TNFRSF19: variants seen among roughly 807,000 people sequenced by gnomAD.
The protein encoded by TNFRSF19 is tumor necrosis factor receptor superfamily member 19.
A neutral mutation model predicts 46.4 loss-of-function variants in TNFRSF19; 27 were observed. The ratio of observed to expected loss-of-function variants is 0.58; its 90% CI spans 0.43 to 0.80. The LOEUF (loss-of-function observed/expected upper bound fraction) is 0.80. TNFRSF19 is among the 30% of genes least tolerant of loss of function. The pLI, the probability that TNFRSF19 is intolerant of heterozygous loss-of-function variation, is 0.00. For synonymous variants in TNFRSF19, 204 were observed against 205.0 expected, an observed-to-expected ratio of 1.00 and a Z score of 0.04; for missense variants, 511 against 530.8, an observed-to-expected ratio of 0.96 and a Z score of 0.37.
At chr13:23,671,739 TTGA>T (rs1489825420) in intron 9 of TNFRSF19, among the ~76,000 whole-genome samples, 1 of 152,206 alleles carries the variant, frequency 6.6e-6, no homozygotes, top group Admixed American at 6.5e-5. Flanking sequence ...CATAAAGAAT[TTGA>T]TTTTAGGCTG....
intron 1 of TNFRSF19, among the ~76,000 whole-genome samples, chr13:23,582,065 C>A (rs933225310): frequency 1.3e-5 from 2 of 151,988 alleles, no homozygotes; most frequent in Non-Finnish European, 1.5e-5. Flanking sequence ...TATATTTGTC[C>A]TGTGGCAGCT....
intron 5 of TNFRSF19, among the ~76,000 whole-genome samples, chr13:23,631,213 A>G (rs1882343435): frequency 6.6e-6 from 1 of 152,216 alleles, no homozygotes; most frequent in African/African-American, 2.4e-5. Context: ...AACATTTAGT[A>G]GAAAAAAGTG....
At chr13:23,620,702 C>T (rs1304849218) in intron 4 of TNFRSF19, among the ~76,000 whole-genome samples, 1 of 152,180 alleles carries the variant, frequency 6.6e-6, no homozygotes, top group Non-Finnish European at 1.5e-5. Context: ...TTTTGGGGGC[C>T]AGTGAAAACT....
At chr13:23,665,178 A>G (rs1286723958) in intron 7 of TNFRSF19, among the ~76,000 whole-genome samples, 1 of 152,194 alleles carries the variant, frequency 6.6e-6, no homozygotes, top group Admixed American at 6.5e-5. Context: ...ACCCCCAAGC[A>G]TTACATTTTC....
intron 1 of TNFRSF19, among the ~76,000 whole-genome samples, chr13:23,573,869 T>C (rs531884205): frequency 1.8e-4 from 28 of 152,204 alleles, no homozygotes; most frequent in Admixed American, 1.7e-3. Flanking sequence ...GAGACCATCC[T>C]GGCTAACATG....
chr13:23,615,264 A>G (rs991265944), intron 3 of TNFRSF19, among the ~76,000 whole-genome samples: 1 of 152,196 alleles, frequency 6.6e-6, no homozygotes, highest in African/African-American at 2.4e-5. Context: ...TCAAATCTAG[A>G]GAAGCTTGAG....
intron 3 of TNFRSF19, among the ~76,000 whole-genome samples, chr13:23,610,806 A>G (rs766438616): frequency 6.6e-6 from 1 of 152,128 alleles, no homozygotes; most frequent in South Asian, 2.1e-4. Flanking sequence ...GGGCCCTATA[A>G]TAATGCCTTT....
At chr13:23,601,466 G>A (rs1255236549) in intron 3 of TNFRSF19, among the ~76,000 whole-genome samples, 1 of 152,180 alleles carries the variant, frequency 6.6e-6, no homozygotes, top group African/African-American at 2.4e-5. Context: ...GACCTGCCAT[G>A]TAAGAAATGT....
At chr13:23,657,943 A>C (rs1295353341) in intron 5 of TNFRSF19, among the ~76,000 whole-genome samples, 2 of 152,144 alleles carry the variant, frequency 1.3e-5, no homozygotes, top group Non-Finnish European at 2.9e-5. Context: ...TCTTCAGTCG[A>C]GGGGAGGCTC....
intron 5 of TNFRSF19, among the ~76,000 whole-genome samples, chr13:23,649,992 T>G (rs1300094762): frequency 6.6e-6 from 1 of 152,144 alleles, no homozygotes; most frequent in Non-Finnish European, 1.5e-5. Flanking sequence ...CTGGAGAAGG[T>G]TCCATGTACA....
chr13:23,604,796 C>T (rs1880403322), intron 3 of TNFRSF19, among the ~76,000 whole-genome samples: 1 of 152,092 alleles, frequency 6.6e-6, no homozygotes, highest in Non-Finnish European at 1.5e-5. Context: ...TTGACATCCA[C>T]ATGCAAAAAA....
chr13:23,617,938 G>A (rs1045016478), intron 4 of TNFRSF19, among the ~76,000 whole-genome samples: 1 of 152,158 alleles, frequency 6.6e-6, no homozygotes, highest in Non-Finnish European at 1.5e-5. Context: ...GATCAGAGTG[G>A]TTTTGACCAG....
At chr13:23,636,068 A>G (rs1343786439) in intron 5 of TNFRSF19, among the ~76,000 whole-genome samples, 2 of 152,128 alleles carry the variant, frequency 1.3e-5, no homozygotes, top group African/African-American at 2.4e-5. Context: ...TGAGACGTCT[A>G]GGGGATATGG....
At chr13:23,669,732 C>T in intron 9 of TNFRSF19, 6 of 984,350 alleles carry the variant, frequency 6.1e-6, no homozygotes, top group Non-Finnish European at 7.2e-6. Context: ...TTTCTGCGTG[C>T]TGCAAAGCTG....
At chr13:23,581,964 G>A (rs1340815221) in intron 1 of TNFRSF19, among the ~76,000 whole-genome samples, 2 of 152,174 alleles carry the variant, frequency 1.3e-5, no homozygotes, top group Middle Eastern at 3.2e-3. Context: ...AGATTGAATA[G>A]GAATGCCCAC....
At chr13:23,580,045 C>T (rs78248755) in intron 1 of TNFRSF19, among the ~76,000 whole-genome samples, 3,351 of 152,276 alleles carry the variant, frequency 0.022, 51 homozygotes, top group Non-Finnish European at 0.035. Context: ...CCTTAGAGTT[C>T]AGCAGGAATT....
intron 1 of TNFRSF19, chr13:23,585,627 A>C (rs1472548515): frequency 6.6e-6 from 1 of 152,156 alleles, no homozygotes; most frequent in African/African-American, 2.4e-5. Flanking sequence ...TAGTTAATGA[A>C]TTTCTCTCTT....
intron 3 of TNFRSF19, among the ~76,000 whole-genome samples, chr13:23,602,471 A>G (rs1820119136): frequency 6.6e-6 from 1 of 152,148 alleles, no homozygotes; most frequent in South Asian, 2.1e-4. Context: ...GCAGAAAGTC[A>G]ATATGGACAT....
intron 4 of TNFRSF19, among the ~76,000 whole-genome samples, chr13:23,625,491 G>A (rs1233078676): frequency 6.6e-6 from 1 of 151,860 alleles, no homozygotes; most frequent in Non-Finnish European, 1.5e-5. Flanking sequence ...ACCACGCCCA[G>A]CTATTTTTTT....
Sources: allele counts gnomAD v4.1 joint callset (sites outside exome capture counted in the v4.1 genomes callset), GRCh38; gene constraint gnomAD v4.1.1; transcripts MANE v1.5; gene names NCBI Gene and HGNC (gene_info 2026-07-23, HGNC 2026-07-21).